Variants in IGHMBP2 observed in about 807,000 individuals in gnomAD.
IGHMBP2 encodes the protein DNA-binding protein SMUBP-2.
Under a neutral mutation model 96.0 loss-of-function variants are expected in IGHMBP2, and 81 were observed. The ratio of observed to expected loss-of-function variants is 0.84; its 90% CI spans 0.71 to 1.01. The LOEUF (loss-of-function observed/expected upper bound fraction) is 1.01. Among genes scored for constraint, IGHMBP2 ranks in the 50% least tolerant of loss-of-function variants. IGHMBP2 has a pLI of 0.00. For synonymous variants in IGHMBP2, 557 were observed against 548.9 expected, an observed-to-expected ratio of 1.01 and a Z score of -0.21; for missense variants, 1,227 against 1,306.3, an observed-to-expected ratio of 0.94 and a Z score of 0.94.
intron 8 of IGHMBP2, 105 bp from the exon 9 acceptor site, chr11:68,933,194 G>T (rs1415034859): frequency 9.4e-6 from 11 of 1,171,234 alleles, no homozygotes; most frequent in Non-Finnish European, 1.4e-5. Flanking sequence ...ATCCAGGGGA[G>T]AGTTGGGTCC....
chr11:68,910,569 G>C (rs978236504), intron 4 of IGHMBP2, among the ~76,000 whole-genome samples: 1 of 152,216 alleles, frequency 6.6e-6, no homozygotes, highest in African/African-American at 2.4e-5. Context: ...AGCACCACCT[G>C]CTCTCAAGAG....
intron 12 of IGHMBP2, among the ~76,000 whole-genome samples, 192 bp downstream of exon 12, chr11:68,935,614 G>A (rs1412727131): frequency 6.6e-6 from 1 of 152,202 alleles, no homozygotes; most frequent in Non-Finnish European, 1.5e-5. Context: ...AGGCGTGAGT[G>A]TGCTGTCAGG....
intron 7 of IGHMBP2, among the ~76,000 whole-genome samples, chr11:68,928,661 T>C (rs979001619): frequency 3.9e-5 from 6 of 152,176 alleles, no homozygotes; most frequent in African/African-American, 1.4e-4. Context: ...CACTGTTGGC[T>C]GGAGACAGCG....
chr11:68,916,140 C>T (rs1226095988), intron 6 of IGHMBP2, among the ~76,000 whole-genome samples: 1 of 151,996 alleles, frequency 6.6e-6, no homozygotes, highest in African/African-American at 2.4e-5. Flanking sequence ...CTCCACTGCA[C>T]TCCAGCCTCG....
At chr11:68,937,186 TTCC>T (rs1310303308) in intron 13 of IGHMBP2, 95 bp downstream of exon 13, 8 of 1,465,010 alleles carry the variant, frequency 5.5e-6, no homozygotes, top group Non-Finnish European at 7.5e-6. Context: ...AAGGAAGGGC[TTCC>T]TCCTGGTGGC....
Position 68,907,449 on chromosome 11 carries a change from T to G in IGHMBP2, c.257-696T>G, listed in dbSNP as rs1858246566. Among the ~76,000 whole-genome samples the G allele has an allele frequency of 3.3e-5, 5 of 152,192 alleles. No individual in the cohort carries two copies. The South Asian group carries it at 1.0e-3, about 32-fold the overall frequency. On this transcript the variant is annotated intron_variant, in intron 2 of 14. Coordinates refer to ENST00000255078, the MANE Select transcript of IGHMBP2 (RefSeq NM_002180.3). ...AAAGGAGGGACAGTTAGAAGAAGCT[T>G]CTTAACCACACGCCTGGGATGCTTG... is the stretch of plus-strand genomic sequence containing the variant.
intron 7 of IGHMBP2, among the ~76,000 whole-genome samples, chr11:68,927,462 C>T (rs1036536432): frequency 2.6e-5 from 4 of 152,272 alleles, no homozygotes; most frequent in East Asian, 3.9e-4. Context: ...TTTCACTTCC[C>T]GTTTGTGCAG....
At chr11:68,912,922 A>G (rs1382200018) in intron 5 of IGHMBP2, among the ~76,000 whole-genome samples, 4 of 151,950 alleles carry the variant, frequency 2.6e-5, no homozygotes, top group African/African-American at 9.7e-5. Flanking sequence ...CACACCTGCA[A>G]TCCCAGCTAC....
chr11:68,930,634 C>A, intron 8 of IGHMBP2: 1 of 455,192 alleles, frequency 2.2e-6, no homozygotes, highest in Non-Finnish European at 2.9e-6. Flanking sequence ...GAAACCTCTG[C>A]GGCCGCAGCA....
intron 13 of IGHMBP2, among the ~76,000 whole-genome samples, 194 bp downstream of exon 13, chr11:68,937,285 G>A (rs758083531): frequency 6.6e-6 from 1 of 152,148 alleles, no homozygotes; most frequent in Non-Finnish European, 1.5e-5. Context: ...ATCAGGTCAC[G>A]GGCACCTTCT....
rs772984556 is a variant in IGHMBP2, at chr11:68,917,795, G to A, written c.972G>A (p.Lys324=). ...AAAGTAATTTTCGAAATGAAATTAA[G>A]CTGTTAAGAAAAGAACTGAAGGAGA... ...REKSNFRNEI[K]LLRKELKERE... Residue 324 remains lysine, a synonymous_variant, in exon 7 of 15, where the codon AAG becomes AAA. Transcript: ENST00000255078. 3 of 1,613,490 alleles carry A rather than the reference G, an allele frequency of 1.9e-6. No homozygotes were observed. Among genetic ancestry groups the A allele is most frequent in the South Asian group, 2.2e-5 (2 of 91,064 alleles).
intron 7 of IGHMBP2, among the ~76,000 whole-genome samples, chr11:68,925,323 A>G (rs1376757232): frequency 6.6e-6 from 1 of 151,286 alleles, no homozygotes; most frequent in Admixed American, 6.6e-5. Context: ...TTTTTTTTGT[A>G]TATTTTGTAG....
At chr11:68,906,293 AC>A in intron 2 of IGHMBP2, 55 bp downstream of exon 2, 6 of 1,563,692 alleles carry the variant, frequency 3.8e-6, no homozygotes, top group Non-Finnish European at 4.4e-6. Flanking sequence ...TCAGACCGTG[AC>A]TTGTACCCTC....
Position 68,906,220 on chromosome 11 carries a change from A to G in IGHMBP2, c.238A>G (p.Ser80Gly), listed in dbSNP as rs1594415592. Residue 80 changes from serine (S) to glycine (G), a missense_variant, in exon 2 of 15, where the codon AGT (serine) becomes GGT (glycine). Physicochemically the swap from Ser to Gly is moderately conservative, Grantham distance 56 (BLOSUM62 0). Transcript: ENST00000255078. ...ATACGGGTCCGCGGCAGCTCTTCCCAGTAACAGCTTTACTTCTGGTGTGTG... is the reference window on the plus strand; with the variant it reads ...ATACGGGTCCGCGGCAGCTCTTCCCGGTAACAGCTTTACTTCTGGTGTGTG... Reference protein sequence around the residue: ...RRYGSAAALPSNSFTSGDIVG... With the variant: ...RRYGSAAALPGNSFTSGDIVG... The G allele has an allele frequency of 1.2e-6, 2 of 1,614,028 alleles. No individual in the cohort carries two copies. The highest frequency in any genetic ancestry group is 1.1e-5 in the South Asian group (1 of 91,080).
chr11:68,906,558 C>T (rs1439273461), intron 2 of IGHMBP2, among the ~76,000 whole-genome samples: 2 of 151,130 alleles, frequency 1.3e-5, no homozygotes, highest in African/African-American at 2.4e-5. Flanking sequence ...TTTCTGAATA[C>T]TGATTACATG....
Position 68,911,846 on chromosome 11 carries a change from G to A in IGHMBP2, c.711+243G>A, listed in dbSNP as rs537735385. ...GAAGGCTCCTGGAGCCCTTTGAGGC[G>A]TGGCAGCCTTCGTGTCGGCCAGGCC... is the stretch of plus-strand genomic sequence containing the variant. On this transcript the variant is annotated intron_variant, in intron 5 of 14. Transcript: ENST00000255078. 5.9e-5 allele frequency among the ~76,000 whole-genome samples: 9 copies of A among 152,364 alleles called. No individual in the cohort carries two copies. In the East Asian group the frequency reaches 7.7e-4, roughly 13 times the overall value.
chr11:68,935,791 G>A (rs1450756927), intron 12 of IGHMBP2, among the ~76,000 whole-genome samples: 1 of 152,254 alleles, frequency 6.6e-6, no homozygotes. Context: ...CTGCTGTGGT[G>A]TGTGGGCTTT....
intron 5 of IGHMBP2, among the ~76,000 whole-genome samples, chr11:68,914,157 A>T (rs1232476408): frequency 6.6e-6 from 1 of 152,192 alleles, no homozygotes; most frequent in African/African-American, 2.4e-5. Context: ...AGAAACTCAC[A>T]TAAATAAGTT....
At chr11:68,910,907 A>C (rs1344295608) in intron 4 of IGHMBP2, among the ~76,000 whole-genome samples, 1 of 150,952 alleles carries the variant, frequency 6.6e-6, no homozygotes, top group Non-Finnish European at 1.5e-5. Context: ...AAAGAAGCAG[A>C]TCTTTAGTCT....
Sources: gnomAD v4.1 joint callset for allele counts (sites outside exome capture counted in the v4.1 genomes callset) on GRCh38, gnomAD v4.1.1 for gene constraint, MANE v1.5 for transcripts, NCBI Gene and HGNC (gene_info 2026-07-23, HGNC 2026-07-21) for gene names.